The following NCKAP5 variants were observed in gnomAD, a reference collection of about 807,000 sequenced individuals.
NCKAP5 encodes the protein nck-associated protein 5.
NCKAP5 carries 92 observed loss-of-function variants against 167.0 expected under a neutral mutation model. That is an observed-to-expected ratio of 0.55 (90% CI 0.47 to 0.66). NCKAP5 has a LOEUF of 0.66. Ranked by LOEUF, NCKAP5 falls within the 30% of genes least tolerant of loss-of-function variation. The pLI, the probability that NCKAP5 is intolerant of heterozygous loss-of-function variation, is 0.00. For missense variants in NCKAP5, 2,378 were observed against 2,315.0 expected, an observed-to-expected ratio of 1.03 and a Z score of -0.56; for synonymous variants, 891 against 877.4, an observed-to-expected ratio of 1.02 and a Z score of -0.27.
At chr2:133,595,387 TCC>T in the NCKAP5 span, among the ~76,000 whole-genome samples, 2 of 151,408 alleles carry the variant, frequency 1.3e-5, no homozygotes, top group Non-Finnish European at 2.9e-5. Flanking sequence ...TTCTTCCTCC[TCC>T]TCCTCTTCTT....
intron 3 of NCKAP5, among the ~76,000 whole-genome samples, chr2:133,430,941 T>G (rs1253609457): frequency 6.6e-6 from 1 of 151,410 alleles, no homozygotes; most frequent in Admixed American, 6.6e-5. Context: ...ATTGATATCA[T>G]CAGGAAGCCA....
chr2:132,692,263 C>T (rs996092651), intron 19 of NCKAP5, among the ~76,000 whole-genome samples: 1 of 152,010 alleles, frequency 6.6e-6, no homozygotes, highest in African/African-American at 2.4e-5. Context: ...CTGCCTCAGC[C>T]TCTCAAATAG....
At chr2:133,430,166 A>T (rs1272839800) in intron 3 of NCKAP5, among the ~76,000 whole-genome samples, 2 of 151,838 alleles carry the variant, frequency 1.3e-5, no homozygotes, top group African/African-American at 4.8e-5. Context: ...TGATTTTTTA[A>T]TTTTTGTGGG....
At chr2:133,125,219 C>T (rs890965618) in intron 6 of NCKAP5, among the ~76,000 whole-genome samples, 1 of 142,782 alleles carries the variant, frequency 7.0e-6, no homozygotes, top group Admixed American at 7.0e-5. Flanking sequence ...ATTACTCTAC[C>T]TTTTTTTTTT....
At chr2:133,612,250 T>C in the NCKAP5 span, among the ~76,000 whole-genome samples, 1 of 152,154 alleles carries the variant, frequency 6.6e-6, no homozygotes, top group Non-Finnish European at 1.5e-5. Flanking sequence ...AATAAGATGT[T>C]ATTGTATAAA....
chr2:133,286,518 G>C (rs1679154712), intron 4 of NCKAP5, among the ~76,000 whole-genome samples: 1 of 152,194 alleles, frequency 6.6e-6, no homozygotes, highest in Admixed American at 6.5e-5. Context: ...ATGATGCAAT[G>C]CTGGAATTTT....
intron 6 of NCKAP5, among the ~76,000 whole-genome samples, chr2:132,997,467 A>G (rs1222483260): frequency 6.6e-6 from 1 of 152,198 alleles, no homozygotes; most frequent in African/African-American, 2.4e-5. Flanking sequence ...CTTGACAAAG[A>G]ACTGTCTCAT....
At chr2:132,766,106 C>A (rs1014760136) in intron 16 of NCKAP5, among the ~76,000 whole-genome samples, 2 of 151,540 alleles carry the variant, frequency 1.3e-5, no homozygotes, top group African/African-American at 4.9e-5. Context: ...ATGGTGAAAC[C>A]CCGTCTCTAC....
intron 6 of NCKAP5, among the ~76,000 whole-genome samples, chr2:133,092,302 A>G (rs1325138661): frequency 6.6e-6 from 1 of 152,158 alleles, no homozygotes; most frequent in Non-Finnish European, 1.5e-5. Flanking sequence ...ACAGCAGAGG[A>G]AGATGGCCTC....
At chr2:133,201,690 T>C (rs973311642) in intron 5 of NCKAP5, among the ~76,000 whole-genome samples, 3 of 152,148 alleles carry the variant, frequency 2.0e-5, no homozygotes, top group Non-Finnish European at 4.4e-5. Context: ...TTTCACCACA[T>C]GTAAGTTTTA....
intron 3 of NCKAP5, among the ~76,000 whole-genome samples, chr2:133,444,707 T>A (rs1369956390): frequency 1.3e-5 from 2 of 152,230 alleles, no homozygotes; most frequent in African/African-American, 2.4e-5. Context: ...CTCTGATCTT[T>A]GCTTTTCTAC....
chr2:133,574,369 G>A, the NCKAP5 span, among the ~76,000 whole-genome samples: 1 of 152,156 alleles, frequency 6.6e-6, no homozygotes, highest in Non-Finnish European at 1.5e-5. Flanking sequence ...GAAGAGGCAG[G>A]GATGCTCTGC....
At chr2:133,202,853 C>T (rs1397440018) in intron 5 of NCKAP5, among the ~76,000 whole-genome samples, 1 of 152,052 alleles carries the variant, frequency 6.6e-6, no homozygotes, top group Non-Finnish European at 1.5e-5. Context: ...CTATCTCACA[C>T]CAGTTAGAAT....
intron 3 of NCKAP5, among the ~76,000 whole-genome samples, chr2:133,305,042 T>C (rs1468325988): frequency 2.6e-5 from 4 of 152,098 alleles, no homozygotes; most frequent in Non-Finnish European, 4.4e-5. Context: ...AAACACCATA[T>C]ACAAAGGTCC....
chr2:132,951,697 C>G (rs1469788183), intron 8 of NCKAP5, among the ~76,000 whole-genome samples: 3 of 152,178 alleles, frequency 2.0e-5, no homozygotes, highest in African/African-American at 7.2e-5. Context: ...CAAGCCAATA[C>G]CTATATAACA....
chr2:133,666,922 TCTTGTTG>T, the NCKAP5 span, among the ~76,000 whole-genome samples: 2 of 151,946 alleles, frequency 1.3e-5, no homozygotes, highest in South Asian at 4.1e-4. Flanking sequence ...CAACTGTCAA[TCTTGTTG>T]CAGGATCTGT....
intron 5 of NCKAP5, among the ~76,000 whole-genome samples, chr2:133,130,799 T>C (rs1199625912): frequency 1.3e-5 from 2 of 152,202 alleles, no homozygotes; most frequent in Non-Finnish European, 2.9e-5. Context: ...ATCCTCCTGA[T>C]AGCACTGAGT....
chr2:133,476,111 A>C (rs1216831866), intron 3 of NCKAP5, among the ~76,000 whole-genome samples: 2 of 152,196 alleles, frequency 1.3e-5, no homozygotes, highest in Admixed American at 1.3e-4. Context: ...ATGTGATTTG[A>C]AAGCAGTTAA....
At chr2:132,907,578 T>C (rs1396237385) in intron 8 of NCKAP5, among the ~76,000 whole-genome samples, 1 of 147,808 alleles carries the variant, frequency 6.8e-6, no homozygotes, top group African/African-American at 2.6e-5. Flanking sequence ...GGCAGTATGA[T>C]TGCCTCATAA....
Sources: allele counts gnomAD v4.1 joint callset (sites outside exome capture counted in the v4.1 genomes callset), GRCh38; gene constraint gnomAD v4.1.1; transcripts MANE v1.5; gene names NCBI Gene and HGNC (gene_info 2026-07-23, HGNC 2026-07-21).